Variants in TLN2 observed in about 807,000 individuals in gnomAD.
The protein encoded by TLN2 is talin-2.
Under a neutral mutation model 294.7 loss-of-function variants are expected in TLN2, and 118 were observed. The observed-to-expected ratio is 0.40, with a 90% CI of 0.34 to 0.47. The LOEUF (loss-of-function observed/expected upper bound fraction) is 0.47, where lower values mean the gene tolerates loss of function less well. TLN2 is among the 20% of genes least tolerant of loss of function. The pLI, the probability that TLN2 is intolerant of heterozygous loss-of-function variation, is 0.84. For synonymous variants in TLN2, 1,431 were observed against 1,304.5 expected (o/e 1.10, Z -2.09); for missense variants, 3,083 against 3,282.2 (o/e 0.94, Z 1.48).
chr15:62,828,518 AAAATGC>A, intron 54 of TLN2: 4 of 152,242 alleles, frequency 2.6e-5, no homozygotes, highest in Admixed American at 2.6e-4. Context: ...GCCTCTTGGT[AAAATGC>A]CACTGTGTTT....
rs1021261247 is a variant in TLN2 at position 62,656,006 on chromosome 15, C to T, written c.580C>T (p.Leu194=). Residue 194 remains leucine (L), a synonymous_variant, in exon 8 of 59, where the codon CTG becomes TTG. Coordinates refer to ENST00000636159, the MANE Select transcript of TLN2 (RefSeq NM_015059.3). ...EQGVDENETL[L]LRRKFFYSDQ... The stretch of plus-strand genomic sequence containing the variant: ...AGGAGTAGATGAAAACGAAACGTTG[C>T]TGCTTAGACGGAAGTTCTTTTACTC... The T allele has an allele frequency of 6.2e-7, 1 of 1,614,070 alleles. No individual in the cohort carries two copies. Among genetic ancestry groups the T allele is most frequent in the Non-Finnish European group, 8.5e-7 (1 of 1,180,046 alleles).
chr15:62,702,085 TG>T lies in TLN2; in HGVS notation c.1792del (p.Ala598ProfsTer29). ...LTEMSKGVKL[L>X]AALMDDEVGS... is the part of the protein sequence containing the mutation. ...GAGATGTCCAAGGGTGTGAAGCTAT[TG>T]GCCGCCCTCATGGATGATGAGGTGG... On this transcript the variant is annotated frameshift_variant, in exon 18 of 59. Transcript: ENST00000636159. LOFTEE classifies it high-confidence loss of function. 1 of 1,614,226 alleles carries T rather than the reference TG, an allele frequency of 6.2e-7. No homozygotes were observed. Among genetic ancestry groups the T allele is most frequent in the Admixed American group, 1.7e-5 (1 of 60,032 alleles).
chr15:62,661,585 CTT>C (rs1320227291), intron 9 of TLN2, among the ~76,000 whole-genome samples: 1 of 152,240 alleles, frequency 6.6e-6, no homozygotes, highest in African/African-American at 2.4e-5. Context: ...ATGGTAAACA[CTT>C]TTAAATATAT....
chr15:62,815,674 G>T (rs1392124472), intron 52 of TLN2, among the ~76,000 whole-genome samples: 1 of 152,108 alleles, frequency 6.6e-6, no homozygotes. Context: ...TAGAGCCAAG[G>T]ATTCTTAGGC....
chr15:62,835,971 G>C lies in TLN2; in HGVS notation c.7272G>C (p.Lys2424Asn). The part of the protein sequence containing the change: ...ASVQGHASEE[K>N]LISSAKQVAA... ...TTCAGGGACACGCCAGCGAGGAGAA[G>C]CTCATCTCATCTGCCAAGCAGGTCG... Residue 2424 changes from lysine (K) to asparagine (N), a missense_variant, in exon 57 of 59, where the codon AAG becomes AAC. Coordinates refer to ENST00000636159, the MANE Select transcript of TLN2 (RefSeq NM_015059.3). 6.2e-7 allele frequency: 1 copy of C among 1,614,162 alleles called. No individual in the cohort carries two copies.
At chr15:62,455,789 GCTAT>G (rs2036441778) in intron 1 of TLN2, among the ~76,000 whole-genome samples, 1 of 152,166 alleles carries the variant, frequency 6.6e-6, no homozygotes, top group Non-Finnish European at 1.5e-5. Flanking sequence ...GTCCCCTTCT[GCTAT>G]CTCTCTTGAC....
At chr15:62,513,975 CCT>C (rs2140457614) in intron 1 of TLN2, among the ~76,000 whole-genome samples, 1 of 152,330 alleles carries the variant, frequency 6.6e-6, no homozygotes, top group South Asian at 2.1e-4. Flanking sequence ...ACCCCTCCGC[CCT>C]CTACTAACCA....
At chr15:62,624,235 C>T (rs1490166743) in intron 3 of TLN2, among the ~76,000 whole-genome samples, 1 of 152,218 alleles carries the variant, frequency 6.6e-6, no homozygotes, top group African/African-American at 2.4e-5. Context: ...TGCATGTGGT[C>T]ACATTTTTTC....
chr15:62,601,358 A>C (rs1437376362), intron 2 of TLN2, among the ~76,000 whole-genome samples: 1 of 152,184 alleles, frequency 6.6e-6, no homozygotes, highest in Admixed American at 6.5e-5. Context: ...TTTGTTCTAC[A>C]GTCTGGATTT....
At chr15:62,508,746 A>G (rs1396952511) in intron 1 of TLN2, among the ~76,000 whole-genome samples, 1 of 152,140 alleles carries the variant, frequency 6.6e-6, no homozygotes, top group Non-Finnish European at 1.5e-5. Context: ...TTTGAGTTGA[A>G]TTTTTAGTAC....
intron 1 of TLN2, among the ~76,000 whole-genome samples, chr15:62,588,511 C>CT (rs2045811537): frequency 6.6e-6 from 1 of 151,014 alleles, no homozygotes; most frequent in Non-Finnish European, 1.5e-5. Context: ...TGATGGGCAC[C>CT]TTCCTAGCTA....
At position 62,442,864 on chromosome 15, in the gene TLN2, A is replaced by G. The variant is rs566289643; in HGVS notation, c.-238+52179A>G. ...CTGTGATTTTCCTGGCGGCTCTAGG[A>G]GAGAATCCATTTCTTTGCTTTTTCC... On this transcript the variant is annotated intron_variant, in intron 1 of 58. Transcript: ENST00000636159. Among the ~76,000 whole-genome samples the G allele has an allele frequency of 1.9e-4, 29 of 152,208 alleles. No individual in the cohort carries two copies. In the East Asian group the frequency reaches 5.6e-3, roughly 29 times the overall value.
chr15:62,809,936 C>G lies in TLN2; in HGVS notation c.6675C>G (p.Phe2225Leu). The change falls in exon 52 of 59, where the codon TTC (phenylalanine) becomes TTG (leucine). Residue 2225 changes from phenylalanine (F) to leucine (L), a missense_variant. Phe to Leu is a conservative substitution (Grantham distance 22). Coordinates refer to ENST00000636159, the MANE Select transcript of TLN2 (RefSeq NM_015059.3). ...DMLTACKQAS[F>L]HPDVSDEVRT... ...CTTTCTCTCTCCAGCAAGCATCCTT[C>G]CACCCCGATGTCAGTGACGAGGTGA... 1.2e-6 allele frequency: 2 copies of G among 1,614,108 alleles called. No individual in the cohort carries two copies. Among genetic ancestry groups the G allele is most frequent in the East Asian group, 4.5e-5 (2 of 44,868 alleles).
intron 5 of TLN2, among the ~76,000 whole-genome samples, chr15:62,651,255 G>A (rs2140943471): frequency 6.6e-6 from 1 of 152,244 alleles, no homozygotes; most frequent in East Asian, 1.9e-4. Context: ...TTTCACTGAG[G>A]ATGGTTTTCA....
intron 57 of TLN2, among the ~76,000 whole-genome samples, 197 bp downstream of exon 57, chr15:62,836,270 G>A (rs182507811): frequency 6.7e-4 from 102 of 152,360 alleles, no homozygotes; most frequent in South Asian, 1.2e-3. Context: ...CTCCTCGTGT[G>A]CCTTCTGGTC....
chr15:62,791,184 TA>T (rs11389635), intron 45 of TLN2, among the ~76,000 whole-genome samples: 212 of 145,536 alleles, frequency 1.5e-3, no homozygotes, highest in African/African-American at 2.0e-3. Context: ...CCGTCTCTAC[TA>T]AAAAAAAAAA....
chr15:62,470,726 G>C (rs1209870924), intron 1 of TLN2, among the ~76,000 whole-genome samples: 7 of 152,228 alleles, frequency 4.6e-5, no homozygotes, highest in Non-Finnish European at 8.8e-5. Context: ...AGCCAGTGCA[G>C]GCACTGTGCT....
At chr15:62,641,814 G>C (rs1273678712) in intron 3 of TLN2, among the ~76,000 whole-genome samples, 1 of 152,044 alleles carries the variant, frequency 6.6e-6, no homozygotes, top group Non-Finnish European at 1.5e-5. Flanking sequence ...AGGCAGGTGG[G>C]GTCAGGGCAC....
At position 62,818,578 on chromosome 15, in the gene TLN2, A is replaced by C. The variant is rs546245505; in HGVS notation, c.6772-938A>C. 2.0e-5 allele frequency among the ~76,000 whole-genome samples: 3 copies of C among 152,338 alleles called. No individual in the cohort carries two copies. The East Asian group carries it at 5.8e-4, about 29-fold the overall frequency. ...AAATCCATAAAAAACAGAAAGCAAA[A>C]GACAATTTTTGAAAACTTTTGAACT... On this transcript the variant is annotated intron_variant, in intron 52 of 58. Transcript: ENST00000636159.
Sources: gnomAD v4.1 joint callset for allele counts (sites outside exome capture counted in the v4.1 genomes callset) on GRCh38, gnomAD v4.1.1 for gene constraint, MANE v1.5 for transcripts, NCBI Gene and HGNC (gene_info 2026-07-23, HGNC 2026-07-21) for gene names.